ZNF618: variants seen among roughly 807,000 people sequenced by gnomAD.
The protein encoded by ZNF618 is neural precursor cell expressed, developmentally down-regulated 10.
A neutral mutation model predicts 103.0 loss-of-function variants in ZNF618; 34 were observed. The observed-to-expected ratio is 0.33, with a 90% CI of 0.25 to 0.44. ZNF618 has a LOEUF of 0.44. Ranked by LOEUF, ZNF618 falls within the 20% of genes least tolerant of loss-of-function variation. The pLI is 1.00. For synonymous variants in ZNF618, 551 were observed against 542.2 expected, an observed-to-expected ratio of 1.02 and a Z score of -0.23; for missense variants, 1,059 against 1,295.4, an observed-to-expected ratio of 0.82 and a Z score of 2.80.
intron 1 of ZNF618, among the ~76,000 whole-genome samples, chr9:113,917,475 A>G (rs1832234987): frequency 6.7e-6 from 1 of 150,284 alleles, no homozygotes; most frequent in Non-Finnish European, 1.5e-5. Context: ...GCTGGTCTTG[A>G]ACTCCTAGGC....
intron 3 of ZNF618, among the ~76,000 whole-genome samples, chr9:113,993,519 G>C (rs556208352): frequency 1.3e-5 from 2 of 152,318 alleles, no homozygotes; most frequent in East Asian, 3.9e-4. Flanking sequence ...AAGGATGCCC[G>C]CATCCCATTA....
At chr9:113,905,417 G>A (rs1487831883) in intron 1 of ZNF618, among the ~76,000 whole-genome samples, 2 of 152,134 alleles carry the variant, frequency 1.3e-5, no homozygotes, top group Admixed American at 1.3e-4. Flanking sequence ...CCAAATATGG[G>A]GCAAATCAGG....
chr9:114,034,937 G>A (rs1046901121), intron 12 of ZNF618, among the ~76,000 whole-genome samples: 7 of 152,072 alleles, frequency 4.6e-5, no homozygotes, highest in African/African-American at 1.2e-4. Flanking sequence ...AGGGTGTCCC[G>A]GAGGGATGGC....
At chr9:114,034,817 A>G (rs1844438907) in intron 12 of ZNF618, among the ~76,000 whole-genome samples, 1 of 152,124 alleles carries the variant, frequency 6.6e-6, no homozygotes, top group African/African-American at 2.4e-5. Context: ...AAACATCCCC[A>G]CCCTGGTGCC....
intron 12 of ZNF618, among the ~76,000 whole-genome samples, chr9:114,033,402 A>ATT (rs1844279020): frequency 6.6e-6 from 1 of 150,978 alleles, no homozygotes; most frequent in Non-Finnish European, 1.5e-5. Context: ...AGAGAGAGAG[A>ATT]GAGAGAGAGA....
At chr9:113,950,942 G>A (rs1835507499) in intron 1 of ZNF618, among the ~76,000 whole-genome samples, 1 of 150,380 alleles carries the variant, frequency 6.6e-6, no homozygotes, top group South Asian at 2.1e-4. Context: ...GCCTCGGTGG[G>A]AGCTGAGGCT....
intron 10 of ZNF618, among the ~76,000 whole-genome samples, chr9:114,023,446 A>G (rs1349605266): frequency 6.6e-6 from 1 of 152,118 alleles, no homozygotes; most frequent in African/African-American, 2.4e-5. Flanking sequence ...TCATACATTT[A>G]TGCCTATGTG....
rs1843739267 is a variant in ZNF618, at chr9:114,028,799, T to C, written c.911T>C (p.Val304Ala). The change falls in exon 11 of 15, where the codon GTC becomes GCC. Residue 304 changes from valine (V) to alanine (A), a missense_variant. This residue lies in a region of ZNF618 where 434 missense variants were observed against 476.0 expected (regional missense o/e 0.91). Transcript: ENST00000374126. The stretch of plus-strand genomic sequence containing the variant: ...GGCTCTGAGTGTTCACATCCAGAGG[T>C]CTCCCCATCTCCACGCTTCGTGGCA... Reference protein sequence around the residue: ...DTGSECSHPEVSPSPRFVAAK... With the variant: ...DTGSECSHPEASPSPRFVAAK... 6.5e-7 allele frequency: 1 copy of C among 1,549,872 alleles called. No individual in the cohort carries two copies. The highest frequency in any genetic ancestry group is 1.2e-5 in the South Asian group (1 of 84,018).
At chr9:113,983,424 C>T (rs1839153437) in intron 2 of ZNF618, among the ~76,000 whole-genome samples, 1 of 152,150 alleles carries the variant, frequency 6.6e-6, no homozygotes, top group Admixed American at 6.5e-5. Flanking sequence ...TTGCCCATGC[C>T]TTTGTCGCGG....
chr9:113,945,547 TG>T (rs1351386856), intron 1 of ZNF618, among the ~76,000 whole-genome samples: 1 of 152,184 alleles, frequency 6.6e-6, no homozygotes, highest in Non-Finnish European at 1.5e-5. Context: ...TCAGTAAGTA[TG>T]GGATGAATGA....
At chr9:113,940,024 A>G (rs1308632481) in intron 1 of ZNF618, among the ~76,000 whole-genome samples, 3 of 149,798 alleles carry the variant, frequency 2.0e-5, no homozygotes, top group Non-Finnish European at 4.4e-5. Flanking sequence ...TTCTCAGTTC[A>G]TTTCTTTTTT....
chr9:113,995,503 A>T (rs542757467), intron 3 of ZNF618, among the ~76,000 whole-genome samples: 95 of 152,298 alleles, frequency 6.2e-4, no homozygotes, highest in African/African-American at 2.3e-3. Flanking sequence ...TTTAATTCCT[A>T]TCTTTTGGTT....
At chr9:113,922,721 A>C (rs1245459263) in intron 1 of ZNF618, among the ~76,000 whole-genome samples, 1 of 152,104 alleles carries the variant, frequency 6.6e-6, no homozygotes, top group Non-Finnish European at 1.5e-5. Context: ...GTAAGTCTCG[A>C]AGCTGGGTAG....
intron 3 of ZNF618, among the ~76,000 whole-genome samples, chr9:113,989,815 G>A (rs971741885): frequency 1.3e-4 from 20 of 152,294 alleles, no homozygotes; most frequent in African/African-American, 4.8e-4. Flanking sequence ...GCTGGTTGTG[G>A]CCATCTCAGC....
chr9:113,996,752 T>C (rs964698168), intron 3 of ZNF618, among the ~76,000 whole-genome samples: 8 of 152,072 alleles, frequency 5.3e-5, no homozygotes, highest in East Asian at 1.9e-4. Context: ...GGGCTCTCAA[T>C]AGGGCACTCT....
intron 1 of ZNF618, among the ~76,000 whole-genome samples, chr9:113,952,821 T>G (rs923370246): frequency 3.3e-5 from 5 of 152,334 alleles, no homozygotes; most frequent in African/African-American, 1.2e-4. Context: ...AGACTTGCCA[T>G]GCAGTTGGAC....
Position 113,883,993 on chromosome 9 carries a change from C to CCT in ZNF618, c.33+7581_33+7582insTC, listed in dbSNP as rs1828796294. Reference sequence around the variant, plus strand: ...TTTCTCTGGGCTTGGCCCCCCCCCCCCCCCCCCCCGCCCTGTACAGTGAAG... The same window carrying CCT: ...TTTCTCTGGGCTTGGCCCCCCCCCCCCTCCCCCCCCCGCCCTGTACAGTGAAG... On this transcript the variant is annotated intron_variant, in intron 1 of 14. Coordinates refer to ENST00000374126, the MANE Select transcript of ZNF618 (RefSeq NM_001318042.2). Among the ~76,000 whole-genome samples, 3 of 50,160 alleles carry CCT rather than the reference C, an allele frequency of 6.0e-5. 1 individual carries two copies. In the South Asian group the frequency reaches 2.3e-3, roughly 39 times the overall value. 32.9% of individuals were successfully genotyped at this position (50,160 alleles called of 152,430 possible). A position where few individuals can be genotyped will look rare whatever the true frequency, so the allele number is the denominator to read the frequency against.
rs959226755 is a variant in ZNF618 at position 114,053,781 on chromosome 9, G to A, written c.*3614G>A. On this transcript the variant is annotated 3_prime_UTR_variant, in exon 15 of 15. Coordinates refer to ENST00000374126, the MANE Select transcript of ZNF618 (RefSeq NM_001318042.2). Reference sequence around the variant, plus strand: ...CCAGGCCTCCCTCTAATGGCATTTAGTAACCAGGAAACAAAACACATGCCA... The same window carrying A: ...CCAGGCCTCCCTCTAATGGCATTTAATAACCAGGAAACAAAACACATGCCA... The A allele has an allele frequency of 6.6e-6, 1 of 152,250 alleles. No individual in the cohort carries two copies. The highest frequency in any genetic ancestry group is 2.4e-5 in the African/African-American group (1 of 41,440). 9.4% of individuals were successfully genotyped at this position (152,250 alleles called of 1,614,324 possible). A position where few individuals can be genotyped will look rare whatever the true frequency, so the allele number is the denominator to read the frequency against.
chr9:113,990,804 G>A (rs1403407643), intron 3 of ZNF618, among the ~76,000 whole-genome samples: 2 of 152,208 alleles, frequency 1.3e-5, no homozygotes, highest in East Asian at 3.8e-4. Context: ...AACCAGGAAT[G>A]TTTGGGGAGG....
Sources: gnomAD v4.1 joint callset for allele counts (sites outside exome capture counted in the v4.1 genomes callset) on GRCh38, gnomAD v4.1.1 for gene constraint, gnomAD v4.1.1 regional missense constraint, MANE v1.5 for transcripts, NCBI Gene and HGNC (gene_info 2026-07-23, HGNC 2026-07-21) for gene names.